Variants in PCDHA6 observed in about 807,000 individuals in gnomAD.
PCDHA6 encodes the protein protocadherin alpha 6, also known as protocadherin alpha-6.
A neutral mutation model predicts 60.3 loss-of-function variants in PCDHA6; 55 were observed. The observed-to-expected ratio is 0.91, with a 90% CI of 0.73 to 1.14. PCDHA6 has a LOEUF of 1.14. Ranked by LOEUF, PCDHA6 falls within the 50% of genes most tolerant of loss-of-function variation. The probability of loss-of-function intolerance (pLI) is 0.00; values close to 1 mark genes in which losing one functional copy is unlikely to be tolerated. For missense variants in PCDHA6, 1,327 were observed against 1,256.5 expected (o/e 1.06, Z -0.85); for synonymous variants, 652 against 557.9 (o/e 1.17, Z -2.38).
intron 1 of PCDHA6, among the ~76,000 whole-genome samples, chr5:140,914,725 T>C (rs1317424827): frequency 6.6e-6 from 1 of 152,164 alleles, no homozygotes; most frequent in African/African-American, 2.4e-5. Flanking sequence ...TTATTTTTTG[T>C]GTATCCATTG....
chr5:140,892,012 G>A (rs1032416226), intron 1 of PCDHA6, among the ~76,000 whole-genome samples: 9 of 152,176 alleles, frequency 5.9e-5, no homozygotes, highest in Admixed American at 5.9e-4. Context: ...TGTTATAGCA[G>A]CACAAATGGT....
chr5:140,917,333 G>T (rs1301739777), intron 1 of PCDHA6, among the ~76,000 whole-genome samples: 6 of 148,632 alleles, frequency 4.0e-5, no homozygotes, highest in East Asian at 2.0e-4. Context: ...GCGGGGGAGG[G>T]GGGGGATGGT....
chr5:140,828,472 C>T lies in PCDHA6; in HGVS notation c.381C>T (p.Asn127=), dbSNP rs1554131328. The T allele has an allele frequency of 1.9e-6, 3 of 1,614,216 alleles. No individual in the cohort carries two copies. Among genetic ancestry groups the T allele is most frequent in the African/African-American group, 1.3e-5 (1 of 75,060 alleles). ...FHVDVEVRDI[N]DNPPLFPVEE... is the part of the protein sequence containing the mutation. Reference sequence around the variant, plus strand: ...TGGACGTGGAGGTGAGGGACATTAACGACAACCCGCCCTTGTTCCCGGTAG... The same window carrying T: ...TGGACGTGGAGGTGAGGGACATTAATGACAACCCGCCCTTGTTCCCGGTAG... Residue 127 remains asparagine (N), a synonymous_variant, in exon 1 of 4, where the codon AAC becomes AAT. Transcript: ENST00000529310.
intron 1 of PCDHA6, chr5:140,926,964 C>G (rs149218057): frequency 1.9e-6 from 3 of 1,606,346 alleles, no homozygotes; most frequent in African/African-American, 2.7e-5. Flanking sequence ...AGCTCGAGTA[C>G]TCAGTGCCGG....
chr5:140,908,754 A>C (rs1403008536), intron 1 of PCDHA6, among the ~76,000 whole-genome samples: 1 of 152,184 alleles, frequency 6.6e-6, no homozygotes, highest in Non-Finnish European at 1.5e-5. Context: ...ACTTGCACAC[A>C]GCCTGGACGT....
At chr5:140,992,332 A>G (rs1554252819) in intron 3 of PCDHA6, among the ~76,000 whole-genome samples, 1 of 152,202 alleles carries the variant, frequency 6.6e-6, no homozygotes, top group African/African-American at 2.4e-5. Context: ...TCTAAGAGCA[A>G]AGATGGAAAT....
chr5:140,984,458 C>T (rs1363789281), intron 3 of PCDHA6, among the ~76,000 whole-genome samples: 2 of 152,140 alleles, frequency 1.3e-5, no homozygotes, highest in African/African-American at 4.8e-5. Flanking sequence ...CTTACTGTCC[C>T]AGCCCCTCTT....
chr5:140,828,886 T>C lies in PCDHA6; in HGVS notation c.795T>C (p.Asn265=), dbSNP rs1485794831. Residue 265 remains asparagine (N), a synonymous_variant, in exon 1 of 4, where the codon AAT becomes AAC. Coordinates refer to ENST00000529310, the MANE Select transcript of PCDHA6 (RefSeq NM_018909.4). Reference sequence around the variant, plus strand: ...ACGGAACAACAGTTATCAGACTGAATGCTTCTGATCGGGATGAAGGAGCGA... The same window carrying C: ...ACGGAACAACAGTTATCAGACTGAACGCTTCTGATCGGGATGAAGGAGCGA... ...ADNGTTVIRL[N]ASDRDEGANG... 7 of 1,614,126 alleles carry C rather than the reference T, an allele frequency of 4.3e-6. No individual in the cohort carries two copies. In the African/African-American group the frequency reaches 5.3e-5, roughly 12 times the overall value.
At position 140,983,424 on chromosome 5, in the gene PCDHA6, A is replaced by G. The variant is rs115903969; in HGVS notation, c.2542+861A>G. On this transcript the variant is annotated intron_variant, in intron 3 of 3. Transcript: ENST00000529310. ...GGAAGATTAAGTGTTGGTAGAGACC[A>G]CAAATTGTGTCTACTCTAATCCTCT... Among the ~76,000 whole-genome samples, 1,234 of 152,366 alleles carry G rather than the reference A, an allele frequency of 8.1e-3. 22 individuals are homozygous for G. Among genetic ancestry groups the G allele is most frequent in the African/African-American group, 0.028 (1,160 of 41,578 alleles).
rs572205670 is a variant in PCDHA6 at position 140,933,229 on chromosome 5, G to A, written c.2395-45720G>A. ...TACATGTCTGTTATATTGCATTTAT[G>A]AAAAAGAAAGGACTATAAACACAAA... On this transcript the variant is annotated intron_variant, in intron 1 of 3. Coordinates refer to ENST00000529310, the MANE Select transcript of PCDHA6 (RefSeq NM_018909.4). Among the ~76,000 whole-genome samples, 114 of 151,958 alleles carry A rather than the reference G, an allele frequency of 7.5e-4. 1 individual carries two copies. The highest frequency in any genetic ancestry group is 1.5e-3 in the Non-Finnish European group (99 of 67,810).
intron 1 of PCDHA6, among the ~76,000 whole-genome samples, chr5:140,914,309 C>A (rs1461023041): frequency 1.3e-5 from 2 of 152,082 alleles, no homozygotes; most frequent in Non-Finnish European, 2.9e-5. Flanking sequence ...TGAATTGACC[C>A]CATTATCATT....
chr5:140,836,427 G>A (rs2150260736), intron 1 of PCDHA6: 1 of 1,613,858 alleles, frequency 6.2e-7, no homozygotes, highest in South Asian at 1.1e-5. Flanking sequence ...GTCGTCGCGG[G>A]CATCGTTGGG....
At chr5:140,959,607 C>T (rs2095500489) in intron 1 of PCDHA6, among the ~76,000 whole-genome samples, 1 of 151,986 alleles carries the variant, frequency 6.6e-6, no homozygotes, top group African/African-American at 2.4e-5. Flanking sequence ...ACATGCTTTT[C>T]TTGCTTGTGA....
rs976104418 is a variant in PCDHA6 at position 140,967,290 on chromosome 5, C to G, written c.2395-11659C>G. The G allele has an allele frequency of 3.1e-6, 5 of 1,612,712 alleles. No individual in the cohort carries two copies. In the African/African-American group the frequency reaches 5.3e-5, roughly 17 times the overall value. ...TTTCACATAGAGAGTGCGCAGGACC[C>G]CGACGTGGGCGCCAACTCAGTACAG... On this transcript the variant is annotated intron_variant, in intron 1 of 3. Coordinates refer to ENST00000529310, the MANE Select transcript of PCDHA6 (RefSeq NM_018909.4).
chr5:140,978,440 T>C, intron 1 of PCDHA6, among the ~76,000 whole-genome samples: 1 of 152,244 alleles, frequency 6.6e-6, no homozygotes. Context: ...GCTGGTGTTA[T>C]GACTGGGCAC....
chr5:140,873,211 T>C (rs560514188), intron 1 of PCDHA6, among the ~76,000 whole-genome samples: 2 of 152,272 alleles, frequency 1.3e-5, no homozygotes, highest in Admixed American at 6.5e-5. Flanking sequence ...TCTTTAAGTA[T>C]TAAAGAGAAG....
At chr5:141,003,160 C>T (rs1383713910) in intron 3 of PCDHA6, among the ~76,000 whole-genome samples, 3 of 152,200 alleles carry the variant, frequency 2.0e-5, no homozygotes. Context: ...CCTGATCAAT[C>T]CTAGTCCCTG....
At position 140,844,592 on chromosome 5, in the gene PCDHA6, A is replaced by G. The variant is rs2150372335; in HGVS notation, c.2394+14107A>G. 4.7e-5 allele frequency among the ~76,000 whole-genome samples: 7 copies of G among 149,514 alleles called. 1 individual carries two copies. Among genetic ancestry groups the G allele is most frequent in the Admixed American group, 6.7e-5 (1 of 14,904 alleles). On this transcript the variant is annotated intron_variant, in intron 1 of 3. Coordinates refer to ENST00000529310, the MANE Select transcript of PCDHA6 (RefSeq NM_018909.4). ...AATATTCCACATTAAAGTGATATTTAATATATGACTTAGAAAAATGTTTTC... is the reference window on the plus strand; with the variant it reads ...AATATTCCACATTAAAGTGATATTTGATATATGACTTAGAAAAATGTTTTC...
In PCDHA6 at chr5:140,862,537, C is replaced by A. The variant is rs56017024; in HGVS notation, c.2394+32052C>A. The A allele has an allele frequency of 9.8e-3, 4,308 of 440,540 alleles. 34 individuals carry two copies. The highest frequency in any genetic ancestry group is 0.014 in the Non-Finnish European group (3,070 of 217,342). The allele number at this position is 440,540 out of a possible 1,614,324, so 27.3% of individuals were successfully genotyped here. A position where few individuals can be genotyped will look rare whatever the true frequency, so the allele number is the denominator to read the frequency against. On this transcript the variant is annotated intron_variant, in intron 1 of 3. Transcript: ENST00000529310. The stretch of plus-strand genomic sequence containing the variant: ...CATTGTTGGCCACAGCCATCGGGTC[C>A]GTGGAAGTGGCCGAACAGTGAACCA...
Sources: allele counts gnomAD v4.1 joint callset (sites outside exome capture counted in the v4.1 genomes callset), GRCh38; gene constraint gnomAD v4.1.1; transcripts MANE v1.5; gene names NCBI Gene and HGNC (gene_info 2026-07-23, HGNC 2026-07-21).